Variants in SFSWAP observed in about 807,000 individuals in gnomAD.
SFSWAP encodes splicing factor SWAP.
SFSWAP carries 17 observed loss-of-function variants against 100.7 expected under a neutral mutation model. The ratio of observed to expected loss-of-function variants is 0.17; its 90% confidence interval spans 0.12 to 0.25. SFSWAP has a LOEUF of 0.25. Among genes scored for constraint, SFSWAP ranks in the 10% least tolerant of loss-of-function variants. The pLI, the probability that SFSWAP is intolerant of heterozygous loss-of-function variation, is 1.00. For synonymous variants in SFSWAP, 504 were observed against 510.1 expected, an observed-to-expected ratio of 0.99 and a Z score of 0.16; for missense variants, 1,005 against 1,262.6, an observed-to-expected ratio of 0.80 and a Z score of 3.09.
intron 14 of SFSWAP, among the ~76,000 whole-genome samples, chr12:131,780,207 G>T (rs1032264354): frequency 1.3e-5 from 2 of 152,174 alleles, no homozygotes; most frequent in African/African-American, 4.8e-5. Flanking sequence ...ACATTTTTGC[G>T]AGTGTTTTAA....
intron 14 of SFSWAP, among the ~76,000 whole-genome samples, chr12:131,786,110 T>C (rs561272733): frequency 6.6e-6 from 1 of 152,272 alleles, no homozygotes; most frequent in Non-Finnish European, 1.5e-5. Flanking sequence ...GAGGTGGTCA[T>C]GAACTGCATA....
rs569919361 is a variant in SFSWAP, at chr12:131,740,697, T to A, written c.1081+12269T>A. ...ACTTTTTTCAGCCATGTCTATTTATTCCTTGTAGTTTAAATTCCATTGGTT... is the reference window on the plus strand; with the variant it reads ...ACTTTTTTCAGCCATGTCTATTTATACCTTGTAGTTTAAATTCCATTGGTT... On this transcript the variant is annotated intron_variant, in intron 7 of 17. Transcript: ENST00000261674. Among the ~76,000 whole-genome samples the A allele has an allele frequency of 1.2e-4, 18 of 152,294 alleles. No homozygotes were observed. The East Asian group carries it at 2.7e-3, about 23-fold the overall frequency.
Position 131,747,098 on chromosome 12 carries a change from T to C in SFSWAP, c.1082-6025T>C, listed in dbSNP as rs188300641. ...CAGCCTGGGCAACAGAGCGAGACTCTGTCTCAAAAAAAAAAAAAAAAGCTC... is the reference window on the plus strand; with the variant it reads ...CAGCCTGGGCAACAGAGCGAGACTCCGTCTCAAAAAAAAAAAAAAAAGCTC... On this transcript the variant is annotated intron_variant, in intron 7 of 17. Coordinates refer to ENST00000261674, the MANE Select transcript of SFSWAP (RefSeq NM_004592.4). 7.8e-3 allele frequency among the ~76,000 whole-genome samples: 494 copies of C among 63,360 alleles called. 7 individuals are homozygous for C. Among genetic ancestry groups the C allele is most frequent in the Non-Finnish European group, 0.012 (325 of 27,138 alleles). 41.6% of individuals were successfully genotyped at this position (63,360 alleles called of 152,430 possible).
chr12:131,764,763 C>A lies in SFSWAP; in HGVS notation c.1951+77C>A, dbSNP rs1268780534. ...AGATTTATCTGCTAAGCCAAAAAAT[C>A]TCGAGGCTGCCAACTAGAATCTGAA... is the stretch of plus-strand genomic sequence containing the variant. On this transcript the variant is annotated intron_variant, in intron 12 of 17. Transcript: ENST00000261674. 11 of 1,014,572 alleles carry A rather than the reference C, an allele frequency of 1.1e-5. No individual in the cohort carries two copies. In the Admixed American group the frequency reaches 2.6e-4, roughly 24 times the overall value. The allele number at this position is 1,014,572 out of a possible 1,614,324, so 62.8% of individuals were successfully genotyped here.
chr12:131,738,885 C>CTTTTTTTTTTTTCTTTTTTTTTTTTTT (rs1880307886), intron 7 of SFSWAP, among the ~76,000 whole-genome samples: 1 of 48,718 alleles, frequency 2.1e-5, no homozygotes, highest in Non-Finnish European at 4.1e-5. Context: ...GAACATTATT[C>CTTTTTTTTTTTTCTTTTTTTTTTTTTT]TTTTTTTTTT....
rs576620978 is a variant in SFSWAP at position 131,734,974 on chromosome 12, G to A, written c.1081+6546G>A. Among the ~76,000 whole-genome samples, 19 of 152,310 alleles carry A rather than the reference G, an allele frequency of 1.2e-4. No homozygotes were observed. Among genetic ancestry groups the A allele is most frequent in the South Asian group, 8.3e-4 (4 of 4,820 alleles). Reference sequence around the variant, plus strand: ...CAGGTCAGGCCGGAAGCGACTGTCCGTGAAGGTGACGCTCATACCGTAACC... The same window carrying A: ...CAGGTCAGGCCGGAAGCGACTGTCCATGAAGGTGACGCTCATACCGTAACC... On this transcript the variant is annotated intron_variant, in intron 7 of 17. Coordinates refer to ENST00000261674, the MANE Select transcript of SFSWAP (RefSeq NM_004592.4). The surrounding 1 kb of genome is among the most constrained non-coding windows in gnomAD (Gnocchi z 4.9).
rs11246811 is a variant in SFSWAP, at chr12:131,794,787, G to A, written c.2535-2391G>A. Among the ~76,000 whole-genome samples, 28,323 of 151,966 alleles carry A rather than the reference G, an allele frequency of 0.19. 5,331 individuals are homozygous for A. The highest frequency in any genetic ancestry group is 0.49 in the African/African-American group (20,053 of 41,292). ...GCTCAGCGGCAGCACCGAGGACAGC[G>A]TTTCACCCAATGGACAGTGGCACCT... On this transcript the variant is annotated intron_variant, in intron 15 of 17. Transcript: ENST00000261674. The surrounding 1 kb of genome is among the most constrained non-coding windows in gnomAD (Gnocchi z 4.8).
chr12:131,722,903 G>A (rs1306379821), intron 4 of SFSWAP, among the ~76,000 whole-genome samples: 3 of 152,028 alleles, frequency 2.0e-5, no homozygotes, highest in African/African-American at 4.8e-5. Context: ...GAGCTAATAC[G>A]GTACTGCTGC....
At chr12:131,739,615 G>C (rs1036527933) in intron 7 of SFSWAP, among the ~76,000 whole-genome samples, 2 of 128,322 alleles carry the variant, frequency 1.6e-5, no homozygotes, top group African/African-American at 6.0e-5. Flanking sequence ...GCGCAATCTC[G>C]GCTCACTGCA....
intron 13 of SFSWAP, among the ~76,000 whole-genome samples, chr12:131,772,035 C>T (rs1037879879): frequency 6.6e-6 from 1 of 152,164 alleles, no homozygotes; most frequent in African/African-American, 2.4e-5. Context: ...CATGTTTCTT[C>T]GACCTAGGAA....
In SFSWAP at chr12:131,799,037, G is replaced by T. The variant is rs117785622; in HGVS notation, c.2718G>T (p.Arg906Ser). The change falls in exon 17 of 18, where the codon AGG (arginine) becomes AGT (serine). Residue 906 changes from arginine (R) to serine (S), a missense_variant and splice_region_variant. By Grantham distance (110) the Arg-to-Ser change is moderately radical. Coordinates refer to ENST00000261674, the MANE Select transcript of SFSWAP (RefSeq NM_004592.4). ...ESRGSSQERS[R>S]GVSQEKEAQI... ...TCTGCTCTCTCTCTCTCTGCATTAG[G>T]GGAGTCTCTCAGGAAAAAGAAGCCC... 0.011 allele frequency: 17,419 copies of T among 1,611,442 alleles called. 123 individuals are homozygous for T. The highest frequency in any genetic ancestry group is 0.013 in the Non-Finnish European group (14,808 of 1,177,564).
chr12:131,755,465 G>A lies in SFSWAP; in HGVS notation c.1534G>A (p.Gly512Ser), dbSNP rs34541796. ...KKQFFLQKEGGDSMQAVSAPE... is the reference protein window; with the variant it reads ...KKQFFLQKEGSDSMQAVSAPE... Reference sequence around the variant, plus strand: ...GCAGTTCTTCCTCCAGAAAGAAGGGGGCGATAGCATGCAGGTACGTGTCTG... The same window carrying A: ...GCAGTTCTTCCTCCAGAAAGAAGGGAGCGATAGCATGCAGGTACGTGTCTG... Residue 512 changes from glycine (G) to serine (S), a missense_variant, in exon 10 of 18, where the codon GGC becomes AGC. This residue lies in a region of SFSWAP where 311 missense variants were observed against 317.8 expected (regional missense o/e 0.98). Transcript: ENST00000261674. 34,075 of 1,612,566 alleles carry A rather than the reference G, an allele frequency of 0.021. 435 individuals are homozygous for A. Among genetic ancestry groups the A allele is most frequent in the Non-Finnish European group, 0.025 (29,785 of 1,178,666 alleles).
At chr12:131,747,276 A>G (rs1160045101) in intron 7 of SFSWAP, among the ~76,000 whole-genome samples, 3 of 152,124 alleles carry the variant, frequency 2.0e-5, no homozygotes, top group East Asian at 3.9e-4. Flanking sequence ...GACAGTGGAC[A>G]TGTGACTAAG....
At position 131,730,426 on chromosome 12, in the gene SFSWAP, G is replaced by A. The variant is rs745437885; in HGVS notation, c.1081+1998G>A. On this transcript the variant is annotated intron_variant, in intron 7 of 17. Transcript: ENST00000261674. The surrounding 1 kb of genome is among the most constrained non-coding windows in gnomAD (Gnocchi z 4.0). ...CAGGGCGGGCTGACCTTGATTATTT[G>A]CTGTGCTAATCACTGGTGGAAGAAC... is the stretch of plus-strand genomic sequence containing the variant. 2.7e-4 allele frequency among the ~76,000 whole-genome samples: 41 copies of A among 152,340 alleles called. No individual in the cohort carries two copies. The highest frequency in any genetic ancestry group is 1.5e-3 in the Admixed American group (23 of 15,300).
intron 14 of SFSWAP, chr12:131,783,792 T>TTTTATATATGTATATATATATATATATA (rs1312028614): frequency 1.2e-5 from 1 of 86,684 alleles, no homozygotes; most frequent in Admixed American, 1.5e-4. Flanking sequence ...AAAAAACATT[T>TTTTATATATGTATATATATATATATATA]TATATATATA....
At chr12:131,787,991 C>T (rs1176812620) in intron 15 of SFSWAP, among the ~76,000 whole-genome samples, 5 of 152,238 alleles carry the variant, frequency 3.3e-5, no homozygotes, top group African/African-American at 1.2e-4. Context: ...ACTGAGCATT[C>T]ATGTCTGCTC....
intron 7 of SFSWAP, among the ~76,000 whole-genome samples, chr12:131,736,275 C>A (rs1057170293): frequency 6.6e-6 from 1 of 152,250 alleles, no homozygotes; most frequent in Non-Finnish European, 1.5e-5. Flanking sequence ...GCCTCACTTT[C>A]ACCCAGTATC....
Position 131,797,294 on chromosome 12 carries a change from C to A in SFSWAP, c.2651C>A (p.Ala884Asp). ...QAAPRPAAPA[A>D]HSAHSASVSP... ...GCGCCCCGGCCCGCGGCCCCCGCGG[C>A]CCACTCGGCGCACTCAGCCAGCGTC... Residue 884 changes from alanine (A) to aspartate (D), a missense_variant, in exon 16 of 18, where the codon GCC becomes GAC. Around this residue, in one of 7 missense-constraint regions of SFSWAP, gnomAD observed 295 missense variants for 347.9 expected, o/e 0.85. Coordinates refer to ENST00000261674, the MANE Select transcript of SFSWAP (RefSeq NM_004592.4). 6.2e-7 allele frequency: 1 copy of A among 1,611,462 alleles called. No homozygotes were observed. The highest frequency in any genetic ancestry group is 8.5e-7 in the Non-Finnish European group (1 of 1,179,028).
intron 7 of SFSWAP, among the ~76,000 whole-genome samples, chr12:131,731,425 G>A (rs1003125943): frequency 6.6e-6 from 1 of 152,144 alleles, no homozygotes; most frequent in Non-Finnish European, 1.5e-5. Context: ...TCATGACCTC[G>A]TCTTCACTTC....
Sources: gnomAD v4.1 joint callset for allele counts (sites outside exome capture counted in the v4.1 genomes callset) on GRCh38, gnomAD v4.1.1 for gene constraint, gnomAD v4.1.1 regional missense constraint, Gnocchi (gnomAD v3.1) non-coding constraint, MANE v1.5 for transcripts, NCBI Gene and HGNC (gene_info 2026-07-23, HGNC 2026-07-21) for gene names.